Variants in MTMR7 observed in about 807,000 individuals in gnomAD.
MTMR7 encodes the protein myotubularin related protein 7, also known as phosphatidylinositol-3-phosphate phosphatase MTMR7.
A neutral mutation model predicts 81.2 loss-of-function variants in MTMR7; 76 were observed. The ratio of observed to expected loss-of-function variants is 0.94; its 90% CI spans 0.78 to 1.13. MTMR7 has a LOEUF of 1.13. Among genes scored for constraint, MTMR7 ranks in the 50% most tolerant of loss-of-function variants. MTMR7 has a pLI of 0.00. For synonymous variants in MTMR7, 372 were observed against 289.8 expected, an observed-to-expected ratio of 1.28 and a Z score of -2.88; for missense variants, 1,044 against 820.0, an observed-to-expected ratio of 1.27 and a Z score of -3.34.
At chr8:17,404,284 A>T (rs1821512219) in intron 1 of MTMR7, among the ~76,000 whole-genome samples, 1 of 152,064 alleles carries the variant, frequency 6.6e-6, no homozygotes, top group Non-Finnish European at 1.5e-5. Context: ...TTGAAGGATA[A>T]CTCCAAAGTT....
intron 4 of MTMR7, among the ~76,000 whole-genome samples, chr8:17,357,991 T>G (rs1819947330): frequency 6.6e-6 from 1 of 152,076 alleles, no homozygotes; most frequent in Non-Finnish European, 1.5e-5. Flanking sequence ...AGCAATAGGG[T>G]ATATACTTCT....
intron 3 of MTMR7, among the ~76,000 whole-genome samples, chr8:17,369,719 C>A (rs1358843237): frequency 1.4e-5 from 2 of 141,128 alleles, no homozygotes; most frequent in Non-Finnish European, 3.0e-5. Context: ...GATCTCAGCT[C>A]TCTGCAACCT....
Position 17,353,365 on chromosome 8 carries a change from C to T in MTMR7, c.469-4284G>A, listed in dbSNP as rs1422340359. ...AAAGTTCCAGAGATCTATTATAGTACAAGAATGTCAATCTACTTAACACTC... is the reference window on the plus strand; with the variant it reads ...AAAGTTCCAGAGATCTATTATAGTATAAGAATGTCAATCTACTTAACACTC... On this transcript the variant is annotated intron_variant, in intron 4 of 13. Transcript: ENST00000180173. Among the ~76,000 whole-genome samples, 2 of 152,142 alleles carry T rather than the reference C, an allele frequency of 1.3e-5. 1 individual carries two copies. The highest frequency in any genetic ancestry group is 1.3e-4 in the Admixed American group (2 of 15,282).
At position 17,297,464 on chromosome 8, in the gene MTMR7, A is replaced by C. The variant is rs1404436780; in HGVS notation, c.*2398T>G. The C allele has an allele frequency of 1.3e-5, 2 of 151,872 alleles. No individual in the cohort carries two copies. Among genetic ancestry groups the C allele is most frequent in the East Asian group, 3.8e-4 (2 of 5,200 alleles). 9.4% of individuals were successfully genotyped at this position (151,872 alleles called of 1,614,324 possible). On this transcript the variant is annotated 3_prime_UTR_variant, in exon 14 of 14. Coordinates refer to ENST00000180173, the MANE Select transcript of MTMR7 (RefSeq NM_004686.5). ...AACTAATGTGCTCTTAAAGAATAAA[A>C]ATTTATTCTATGGTTTCTGTCTCTG...
chr8:17,348,503 T>C (rs935127652), intron 5 of MTMR7, among the ~76,000 whole-genome samples: 2 of 147,172 alleles, frequency 1.4e-5, no homozygotes, highest in Non-Finnish European at 3.0e-5. Flanking sequence ...TGAGCCGAGA[T>C]TGCACCACTG....
chr8:17,350,318 T>G (rs1032612642), intron 4 of MTMR7, among the ~76,000 whole-genome samples: 5 of 152,190 alleles, frequency 3.3e-5, no homozygotes, highest in African/African-American at 1.2e-4. Flanking sequence ...AGGAAAAGGT[T>G]TAATGGACTC....
Position 17,298,143 on chromosome 8 carries a change from C to G in MTMR7, c.*1719G>C, listed in dbSNP as rs1210924977. On this transcript the variant is annotated 3_prime_UTR_variant, in exon 14 of 14. Transcript: ENST00000180173. ...ACAGAGTTTCTAAGAGTGGACAGCT[C>G]CAAGAAGGTTGTGAAGTGAGTTATG... The G allele has an allele frequency of 6.6e-6, 1 of 151,972 alleles. No individual in the cohort carries two copies. The highest frequency in any genetic ancestry group is 2.4e-5 in the African/African-American group (1 of 41,432). 9.4% of individuals were successfully genotyped at this position (151,972 alleles called of 1,614,324 possible).
intron 1 of MTMR7, among the ~76,000 whole-genome samples, chr8:17,400,401 C>A (rs1039657236): frequency 6.6e-6 from 1 of 152,110 alleles, no homozygotes; most frequent in African/African-American, 2.4e-5. Flanking sequence ...GGCATTGTGG[C>A]CCCAGAGTGT....
At chr8:17,391,004 C>T (rs1821090509) in intron 1 of MTMR7, among the ~76,000 whole-genome samples, 1 of 152,180 alleles carries the variant, frequency 6.6e-6, no homozygotes, top group Non-Finnish European at 1.5e-5. Context: ...TTAGATATTT[C>T]AGTAGAGAAC....
At chr8:17,325,151 G>C (rs1467548166) in intron 7 of MTMR7, among the ~76,000 whole-genome samples, 2 of 151,944 alleles carry the variant, frequency 1.3e-5, no homozygotes, top group Non-Finnish European at 2.9e-5. Context: ...TCCTCTCCAA[G>C]CAGAGAGAAC....
intron 1 of MTMR7, among the ~76,000 whole-genome samples, chr8:17,374,296 G>A (rs1820505540): frequency 6.6e-6 from 1 of 152,168 alleles, no homozygotes; most frequent in African/African-American, 2.4e-5. Flanking sequence ...GACCAGCCTG[G>A]CCAACGTGGT....
intron 1 of MTMR7, among the ~76,000 whole-genome samples, chr8:17,386,474 A>T (rs1456806631): frequency 6.6e-6 from 1 of 152,224 alleles, no homozygotes; most frequent in Non-Finnish European, 1.5e-5. Flanking sequence ...AAGAGACAGA[A>T]ATCTCAACCT....
chr8:17,302,054 G>A, intron 13 of MTMR7, 100 bp downstream of exon 13: 1 of 1,500,866 alleles, frequency 6.7e-7, no homozygotes, highest in African/African-American at 1.4e-5. Context: ...CTAAAAATGT[G>A]AAATATTTGT....
At chr8:17,371,587 C>T (rs568131908) in intron 2 of MTMR7, among the ~76,000 whole-genome samples, 2 of 152,148 alleles carry the variant, frequency 1.3e-5, no homozygotes, top group South Asian at 2.1e-4. Context: ...GAGATGGCTC[C>T]GCTGGGAGGT....
chr8:17,408,266 G>A (rs1486953162), intron 1 of MTMR7, among the ~76,000 whole-genome samples: 1 of 115,146 alleles, frequency 8.7e-6, no homozygotes, highest in Admixed American at 1.1e-4. Flanking sequence ...GCGGGCGCCT[G>A]TAGTCCCACC....
At chr8:17,381,996 C>G (rs184901203) in intron 1 of MTMR7, among the ~76,000 whole-genome samples, 1 of 152,310 alleles carries the variant, frequency 6.6e-6, no homozygotes, top group Non-Finnish European at 1.5e-5. Context: ...TCCTTTCTAG[C>G]AGACTGCAGC....
intron 8 of MTMR7, among the ~76,000 whole-genome samples, chr8:17,312,147 A>C (rs1050678474): frequency 6.6e-6 from 1 of 152,268 alleles, no homozygotes; most frequent in East Asian, 1.9e-4. Flanking sequence ...TAAGAAAAGA[A>C]TATCTATTTG....
chr8:17,324,234 T>C (rs980501366), intron 7 of MTMR7, among the ~76,000 whole-genome samples: 9 of 152,216 alleles, frequency 5.9e-5, no homozygotes, highest in South Asian at 2.1e-4. Context: ...GCCTGGCATA[T>C]AGAACACTCT....
chr8:17,316,881 G>C (rs1818114158), intron 7 of MTMR7, among the ~76,000 whole-genome samples: 1 of 152,012 alleles, frequency 6.6e-6, no homozygotes, highest in Non-Finnish European at 1.5e-5. Flanking sequence ...GGGGGTGCTG[G>C]AAACAATTCT....
Sources: gnomAD v4.1 joint callset for allele counts (sites outside exome capture counted in the v4.1 genomes callset) on GRCh38, gnomAD v4.1.1 for gene constraint, MANE v1.5 for transcripts, NCBI Gene and HGNC (gene_info 2026-07-23, HGNC 2026-07-21) for gene names.